RERE: variants seen among roughly 807,000 people sequenced by gnomAD.
The protein encoded by RERE is arginine-glutamic acid dipeptide repeats protein.
A neutral mutation model predicts 146.1 loss-of-function variants in RERE; 40 were observed. The observed-to-expected ratio is 0.27, with a 90% confidence interval of 0.21 to 0.36. The LOEUF (loss-of-function observed/expected upper bound fraction) is 0.36, where lower values mean the gene tolerates loss of function less well. Among genes scored for constraint, RERE ranks in the 10% least tolerant of loss-of-function variants. The pLI, the probability that RERE is intolerant of heterozygous loss-of-function variation, is 1.00. For missense variants in RERE, 1,933 were observed against 2,138.7 expected (o/e 0.90, Z 1.90); for synonymous variants, 1,003 against 866.0 (o/e 1.16, Z -2.78).
chr1:8,733,461 G>A (rs1435615635), intron 1 of RERE, among the ~76,000 whole-genome samples: 2 of 152,186 alleles, frequency 1.3e-5, no homozygotes, highest in Admixed American at 6.5e-5. Flanking sequence ...CCAAGGCTAC[G>A]TCATAAAAGA....
intron 1 of RERE, among the ~76,000 whole-genome samples, chr1:8,667,783 T>C (rs865824558): frequency 2.0e-5 from 3 of 152,256 alleles, no homozygotes; most frequent in African/African-American, 7.2e-5. Flanking sequence ...ACAGTTAGCT[T>C]GTACACTGCC....
At chr1:8,733,794 A>G (rs572069954) in intron 1 of RERE, among the ~76,000 whole-genome samples, 5 of 152,328 alleles carry the variant, frequency 3.3e-5, no homozygotes, top group African/African-American at 9.6e-5. Context: ...TTTGTTACAT[A>G]TATCATATAG....
intron 12 of RERE, among the ~76,000 whole-genome samples, chr1:8,411,242 GGA>G (rs1643606668): frequency 6.6e-6 from 1 of 151,486 alleles, no homozygotes; most frequent in Non-Finnish European, 1.5e-5. Flanking sequence ...GCCATAAAAT[GGA>G]GAGAGGCACA....
intron 13 of RERE, among the ~76,000 whole-genome samples, chr1:8,365,145 GCCTC>G (rs1641752682): frequency 6.6e-6 from 1 of 152,240 alleles, no homozygotes. Context: ...CGTCCATGCT[GCCTC>G]CCTCCCTAAT....
intron 10 of RERE, among the ~76,000 whole-genome samples, chr1:8,474,903 A>T (rs190992171): frequency 5.9e-5 from 9 of 152,358 alleles, no homozygotes; most frequent in African/African-American, 1.9e-4. Flanking sequence ...ATTAGATATC[A>T]AAGTCTTTTG....
chr1:8,556,657 AC>A, intron 5 of RERE, 86 bp from the exon 6 acceptor site: 1 of 800,590 alleles, frequency 1.2e-6, no homozygotes, highest in South Asian at 1.4e-5. Flanking sequence ...TTTCACGTTT[AC>A]CACCCACTAA....
intron 1 of RERE, among the ~76,000 whole-genome samples, chr1:8,743,847 G>C (rs1640365665): frequency 6.6e-6 from 1 of 151,772 alleles, no homozygotes; most frequent in Admixed American, 6.6e-5. Flanking sequence ...CATTTCCCCT[G>C]TGCCTGCTTG....
At chr1:8,731,289 CT>C (rs956023255) in intron 1 of RERE, among the ~76,000 whole-genome samples, 1 of 152,168 alleles carries the variant, frequency 6.6e-6, no homozygotes, top group Non-Finnish European at 1.5e-5. Context: ...AAAAAATCCC[CT>C]CGTATTTTAG....
At chr1:8,578,090 G>C (rs544821684) in intron 4 of RERE, among the ~76,000 whole-genome samples, 2 of 151,486 alleles carry the variant, frequency 1.3e-5, no homozygotes, top group Non-Finnish European at 2.9e-5. Context: ...GACTCCATCC[G>C]GGAAAGAAAA....
At chr1:8,436,739 T>C (rs1644175077) in intron 11 of RERE, among the ~76,000 whole-genome samples, 1 of 152,192 alleles carries the variant, frequency 6.6e-6, no homozygotes, top group Non-Finnish European at 1.5e-5. Context: ...ACTAAAAAGA[T>C]CAAAAATATT....
At chr1:8,804,735 T>A (rs892114252) in intron 1 of RERE, among the ~76,000 whole-genome samples, 1 of 138,084 alleles carries the variant, frequency 7.2e-6, no homozygotes, top group African/African-American at 2.6e-5. Context: ...TGTGAGAAAG[T>A]GGAGAAGCCA....
intron 12 of RERE, among the ~76,000 whole-genome samples, chr1:8,413,979 C>T (rs567079965): frequency 1.4e-5 from 2 of 146,684 alleles, no homozygotes; most frequent in East Asian, 2.1e-4. Context: ...TGCTTGAACC[C>T]GGGAGACGGA....
chr1:8,587,777 T>C (rs1282277482), intron 4 of RERE, among the ~76,000 whole-genome samples: 1 of 152,190 alleles, frequency 6.6e-6, no homozygotes. Flanking sequence ...AAAAATATTC[T>C]GCCTCTATTC....
intron 1 of RERE, among the ~76,000 whole-genome samples, chr1:8,720,582 C>G (rs562476531): frequency 3.9e-5 from 6 of 152,218 alleles, no homozygotes; most frequent in Non-Finnish European, 7.4e-5. Context: ...AGCGAGCCGG[C>G]AGGACTAGAA....
At chr1:8,516,855 A>G (rs1335092094) in intron 7 of RERE, among the ~76,000 whole-genome samples, 2 of 152,228 alleles carry the variant, frequency 1.3e-5, no homozygotes, top group African/African-American at 2.4e-5. Context: ...AAAACCTATC[A>G]AAGTTAGAGG....
chr1:8,449,028 G>A (rs983675092), intron 11 of RERE, among the ~76,000 whole-genome samples: 10 of 152,186 alleles, frequency 6.6e-5, no homozygotes, highest in African/African-American at 2.4e-4. Flanking sequence ...GGACAGCCCT[G>A]AGACATGAGA....
At chr1:8,593,842 T>C (rs1242997193) in intron 4 of RERE, among the ~76,000 whole-genome samples, 1 of 152,200 alleles carries the variant, frequency 6.6e-6, no homozygotes, top group Non-Finnish European at 1.5e-5. Flanking sequence ...TTAGGGGCTG[T>C]GGCTCCAGCC....
intron 1 of RERE, among the ~76,000 whole-genome samples, chr1:8,741,552 G>T (rs1032378121): frequency 6.6e-6 from 1 of 152,130 alleles, no homozygotes; most frequent in Admixed American, 6.6e-5. Context: ...CATAAGATCC[G>T]ATCTGATGGT....
chr1:8,694,518 T>C (rs1224688474), intron 1 of RERE, among the ~76,000 whole-genome samples: 1 of 152,060 alleles, frequency 6.6e-6, no homozygotes, highest in Non-Finnish European at 1.5e-5. Flanking sequence ...CCAAGCACTT[T>C]GGGAGGTTGA....
Sources: allele counts gnomAD v4.1 joint callset (sites outside exome capture counted in the v4.1 genomes callset), GRCh38; gene constraint gnomAD v4.1.1; transcripts MANE v1.5; gene names NCBI Gene and HGNC (gene_info 2026-07-23, HGNC 2026-07-21).